C1D: variants seen among roughly 807,000 people sequenced by gnomAD.
C1D encodes the protein C1D nuclear receptor corepressor.
C1D carries 10 observed loss-of-function variants against 17.5 expected under a neutral mutation model. The ratio of observed to expected loss-of-function variants is 0.57; its 90% CI spans 0.35 to 0.97. The LOEUF is 0.97. C1D is among the 50% of genes least tolerant of loss of function. The pLI is 0.01. For synonymous variants in C1D, 49 were observed against 54.0 expected, an observed-to-expected ratio of 0.91 and a Z score of 0.40; for missense variants, 136 against 160.1, an observed-to-expected ratio of 0.85 and a Z score of 0.81.
intron 1 of C1D, among the ~76,000 whole-genome samples, chr2:68,059,313 C>T (rs1420267979): frequency 6.6e-6 from 1 of 152,236 alleles, no homozygotes; most frequent in Non-Finnish European, 1.5e-5. Flanking sequence ...ACCTCCAACA[C>T]TGGAAGTGAC....
intron 3 of C1D, 59 bp downstream of exon 3, chr2:68,046,285 A>T: frequency 8.0e-7 from 1 of 1,246,552 alleles, no homozygotes; most frequent in Non-Finnish European, 1.2e-6. Context: ...TTAAAAATAA[A>T]TCATCTTTCA....
chr2:68,059,288 T>G (rs575376798), intron 1 of C1D, among the ~76,000 whole-genome samples: 1 of 152,136 alleles, frequency 6.6e-6, no homozygotes, highest in Non-Finnish European at 1.5e-5. Flanking sequence ...GACCCAAATA[T>G]CTCCCACTAG....
intron 4 of C1D, 118 bp from the exon 5 acceptor site, chr2:68,043,171 C>T (rs1671019489): frequency 1.3e-6 from 1 of 757,410 alleles, no homozygotes; most frequent in Non-Finnish European, 2.1e-6. Flanking sequence ...TATTAAAGTG[C>T]ATGGTGCTAG....
intron 4 of C1D, among the ~76,000 whole-genome samples, chr2:68,044,947 A>C (rs140405581): frequency 3.9e-5 from 6 of 152,340 alleles, no homozygotes; most frequent in African/African-American, 1.4e-4. Context: ...AGATGATACA[A>C]GCCATCATTT....
chr2:68,054,926 A>G (rs531988625), intron 1 of C1D, among the ~76,000 whole-genome samples: 2 of 151,452 alleles, frequency 1.3e-5, no homozygotes. Context: ...TGATTACACT[A>G]CTGCACTCCA....
At chr2:68,052,713 G>A (rs901513543) in intron 1 of C1D, among the ~76,000 whole-genome samples, 1 of 152,062 alleles carries the variant, frequency 6.6e-6, no homozygotes, top group African/African-American at 2.4e-5. Flanking sequence ...AAAGACAAGG[G>A]GGACTAAAAA....
At chr2:68,052,966 C>A in intron 1 of C1D, 1 of 1,481,074 alleles carries the variant, frequency 6.8e-7, no homozygotes, top group Non-Finnish European at 9.0e-7. Flanking sequence ...ACTTGTTCAT[C>A]TAAACCTCAC....
chr2:68,046,237 G>T, intron 3 of C1D, 107 bp downstream of exon 3: 1 of 917,118 alleles, frequency 1.1e-6, no homozygotes, highest in Non-Finnish European at 1.7e-6. Flanking sequence ...TCTATTAAAA[G>T]TGTTATAAAG....
intron 1 of C1D, among the ~76,000 whole-genome samples, chr2:68,059,271 C>T (rs1447151942): frequency 6.6e-6 from 1 of 152,146 alleles, no homozygotes; most frequent in Non-Finnish European, 1.5e-5. Flanking sequence ...ATTCAATCTG[C>T]CTCCATGACC....
At chr2:68,053,816 G>A (rs1244282169) in intron 1 of C1D, among the ~76,000 whole-genome samples, 2 of 152,134 alleles carry the variant, frequency 1.3e-5, no homozygotes, top group East Asian at 3.9e-4. Flanking sequence ...TTTCACCTGT[G>A]TGATTCTCTA....
rs1572878209 is a variant in C1D at position 68,044,503 on chromosome 2, T to C, written c.262-1450A>G. ...GCGGGCAGATCACGAGGTCAGGAGATCGAGACCATCCTGGCTAACATGGTG... is the reference window on the plus strand; with the variant it reads ...GCGGGCAGATCACGAGGTCAGGAGACCGAGACCATCCTGGCTAACATGGTG... On this transcript the variant is annotated intron_variant, in intron 4 of 4. Coordinates refer to ENST00000410067, the MANE Select transcript of C1D (RefSeq NM_173177.3). Among the ~76,000 whole-genome samples the C allele has an allele frequency of 2.6e-5, 4 of 152,270 alleles. 1 individual carries two copies. The highest frequency in any genetic ancestry group is 9.6e-5 in the African/African-American group (4 of 41,544).
At chr2:68,055,599 T>C (rs1343898099) in intron 1 of C1D, among the ~76,000 whole-genome samples, 2 of 152,128 alleles carry the variant, frequency 1.3e-5, no homozygotes, top group African/African-American at 4.8e-5. Context: ...AAAAAGATAG[T>C]TCTGTGAGAA....
chr2:68,050,036 T>A (rs373463193), intron 1 of C1D, among the ~76,000 whole-genome samples: 63 of 152,282 alleles, frequency 4.1e-4, no homozygotes, highest in African/African-American at 1.4e-3. Context: ...ATTTTAAAGA[T>A]TAAGAATGTT....
intron 1 of C1D, among the ~76,000 whole-genome samples, chr2:68,052,085 CAT>C (rs1177390501): frequency 6.6e-6 from 1 of 151,978 alleles, no homozygotes; most frequent in African/African-American, 2.4e-5. Flanking sequence ...GAGAATATTA[CAT>C]GTCTTCTAAA....
At chr2:68,051,418 G>A (rs1304149524) in intron 1 of C1D, among the ~76,000 whole-genome samples, 1 of 152,168 alleles carries the variant, frequency 6.6e-6, no homozygotes, top group Admixed American at 6.5e-5. Context: ...AGCACTCTGG[G>A]AGGTCAAGAT....
chr2:68,046,794 C>T (rs1671135716), intron 2 of C1D, among the ~76,000 whole-genome samples: 3 of 152,060 alleles, frequency 2.0e-5, no homozygotes, highest in Admixed American at 6.6e-5. Flanking sequence ...TTAGGCAATA[C>T]GAAAGACAGA....
In C1D at chr2:68,041,728, A is replaced by C. The variant is rs1670963681; in HGVS notation, c.*1161T>G. ...CATTTATTCAAGGTTACTTATGGAG[A>C]ATTAATCACACAGAAAATTTTAACA... On this transcript the variant is annotated 3_prime_UTR_variant, in exon 5 of 5. Transcript: ENST00000410067. 1 of 152,042 alleles carries C rather than the reference A, an allele frequency of 6.6e-6. No homozygotes were observed. The highest frequency in any genetic ancestry group is 1.5e-5 in the Non-Finnish European group (1 of 67,888). The allele number at this position is 152,042 out of a possible 1,614,324, so 9.4% of individuals were successfully genotyped here. A position where few individuals can be genotyped will look rare whatever the true frequency, so the allele number is the denominator to read the frequency against.
chr2:68,061,499 A>T (rs1397441291), intron 1 of C1D, among the ~76,000 whole-genome samples: 2 of 152,262 alleles, frequency 1.3e-5, no homozygotes, highest in Non-Finnish European at 2.9e-5. Context: ...TTTAATTCAA[A>T]GCATTTCCAA....
chr2:68,056,052 C>T (rs1671430429), intron 1 of C1D, among the ~76,000 whole-genome samples: 1 of 152,180 alleles, frequency 6.6e-6, no homozygotes, highest in Non-Finnish European at 1.5e-5. Flanking sequence ...CATATAGTCT[C>T]AAATGAAGTT....
Sources: allele counts gnomAD v4.1 joint callset (sites outside exome capture counted in the v4.1 genomes callset), GRCh38; gene constraint gnomAD v4.1.1; transcripts MANE v1.5; gene names NCBI Gene and HGNC (gene_info 2026-07-23, HGNC 2026-07-21).